TENM2: variants seen among roughly 807,000 people sequenced by gnomAD.
TENM2 encodes teneurin transmembrane protein 2.
A neutral mutation model predicts 245.2 loss-of-function variants in TENM2; 52 were observed. The ratio of observed to expected loss-of-function variants is 0.21; its 90% CI spans 0.17 to 0.27. TENM2 has a LOEUF of 0.27. Among genes scored for constraint, TENM2 ranks in the 10% least tolerant of loss-of-function variants. TENM2 has a pLI of 1.00. For synonymous variants in TENM2, 1,363 were observed against 1,438.9 expected (o/e 0.95, Z 1.19); for missense variants, 3,046 against 3,666.8 (o/e 0.83, Z 4.37).
chr5:167,301,040 G>A (rs564797124), intron 1 of TENM2, among the ~76,000 whole-genome samples: 30 of 152,296 alleles, frequency 2.0e-4, no homozygotes, highest in African/African-American at 7.0e-4. Context: ...GGAGTGGGTA[G>A]CCTCCTTATT....
At chr5:167,946,430 G>A (rs971491660) in intron 3 of TENM2, among the ~76,000 whole-genome samples, 2 of 152,210 alleles carry the variant, frequency 1.3e-5, no homozygotes, top group Admixed American at 1.3e-4. Context: ...GAAAGAGATT[G>A]CACTGCAGTT....
intron 2 of TENM2, among the ~76,000 whole-genome samples, chr5:167,868,527 T>G (rs1583232079): frequency 6.6e-6 from 1 of 151,732 alleles, no homozygotes; most frequent in Non-Finnish European, 1.5e-5. Context: ...TCACCTGAGG[T>G]CAGGAGTTCT....
intron 2 of TENM2, among the ~76,000 whole-genome samples, chr5:167,661,520 T>C (rs1755206092): frequency 6.6e-6 from 1 of 152,220 alleles, no homozygotes; most frequent in Non-Finnish European, 1.5e-5. Flanking sequence ...TTGAGTGATG[T>C]CCCTGGAGCT....
chr5:167,552,267 G>T (rs559921233), intron 2 of TENM2, among the ~76,000 whole-genome samples: 1 of 152,110 alleles, frequency 6.6e-6, no homozygotes, highest in East Asian at 1.9e-4. Context: ...AATATACTCA[G>T]GTGCACGTTA....
At chr5:167,011,237 T>G in the TENM2 span, among the ~76,000 whole-genome samples, 1 of 152,198 alleles carries the variant, frequency 6.6e-6, no homozygotes, top group East Asian at 1.9e-4. Context: ...CAAGAGCCAT[T>G]GTAACTGGAA....
At chr5:168,089,191 C>T (rs528050377) in intron 7 of TENM2, among the ~76,000 whole-genome samples, 5 of 152,270 alleles carry the variant, frequency 3.3e-5, no homozygotes, top group East Asian at 1.9e-4. Context: ...ATGGTCAAGC[C>T]CTGTCACCTC....
the TENM2 span, among the ~76,000 whole-genome samples, chr5:167,015,117 A>G: frequency 6.6e-6 from 1 of 152,140 alleles, no homozygotes; most frequent in East Asian, 1.9e-4. Context: ...CTCTCAATAA[A>G]CATTTTTAAC....
At position 167,570,602 on chromosome 5, in the gene TENM2, G is replaced by A. The variant is rs569610200; in HGVS notation, c.502+195129G>A. 8.1e-4 allele frequency among the ~76,000 whole-genome samples: 123 copies of A among 151,560 alleles called. 1 individual carries two copies. The South Asian group carries it at 0.014, about 18-fold the overall frequency. The stretch of plus-strand genomic sequence containing the variant: ...GTGCATTCTTGAGAAGGGGAAAGGC[G>A]GTGTTACGATCTCTGGTGCAGTCCT... On this transcript the variant is annotated intron_variant, in intron 2 of 28. Transcript: ENST00000518659.
chr5:168,247,810 A>C lies in TENM2; in HGVS notation c.6871A>C (p.Asn2291His). 1 of 1,613,990 alleles carries C rather than the reference A, an allele frequency of 6.2e-7. No individual in the cohort carries two copies. The highest frequency in any genetic ancestry group is 8.5e-7 in the Non-Finnish European group (1 of 1,179,870). Reference sequence around the variant, plus strand: ...CAAGGGCCTCCTAACAAGAGCCTACAACAAGGCCAGCGGGTGGAGTGTCCA... The same window carrying C: ...CAAGGGCCTCCTAACAAGAGCCTACCACAAGGCCAGCGGGTGGAGTGTCCA... The change falls in exon 27 of 29, where the codon AAC becomes CAC. Residue 2291 changes from asparagine to histidine, a missense_variant. Transcript: ENST00000518659. This position sits in a 1 kb window ranked among gnomAD's most constrained non-coding sequence, Gnocchi z 7.8.
chr5:167,329,131 C>A (rs994360698), intron 1 of TENM2, among the ~76,000 whole-genome samples: 21 of 151,986 alleles, frequency 1.4e-4, no homozygotes, highest in Admixed American at 1.3e-4. Context: ...AACAACAACC[C>A]CTGTGGGAGA....
the TENM2 span, among the ~76,000 whole-genome samples, chr5:167,223,746 GT>G: frequency 6.6e-6 from 1 of 152,082 alleles, no homozygotes; most frequent in Non-Finnish European, 1.5e-5. Context: ...TCTATTTTTA[GT>G]TTTTTGAGAA....
At chr5:168,123,569 C>T (rs919421883) in intron 10 of TENM2, among the ~76,000 whole-genome samples, 5 of 152,190 alleles carry the variant, frequency 3.3e-5, no homozygotes, top group Non-Finnish European at 7.3e-5. Flanking sequence ...ACACTGTCAG[C>T]GTGGTCCATA....
At chr5:168,051,797 C>G (rs1294874256) in intron 6 of TENM2, among the ~76,000 whole-genome samples, 1 of 152,210 alleles carries the variant, frequency 6.6e-6, no homozygotes, top group Non-Finnish European at 1.5e-5. Flanking sequence ...AGCTTGCTGT[C>G]CATCATAAAT....
intron 2 of TENM2, among the ~76,000 whole-genome samples, chr5:167,561,208 C>G (rs929542968): frequency 2.6e-5 from 4 of 152,160 alleles, no homozygotes; most frequent in Non-Finnish European, 5.9e-5. Context: ...CCTGGAAAAC[C>G]TGATGCAACC....
the TENM2 span, among the ~76,000 whole-genome samples, chr5:167,145,053 A>G: frequency 1.3e-5 from 2 of 151,994 alleles, no homozygotes; most frequent in African/African-American, 4.8e-5. Context: ...TTGCCACATC[A>G]CCTTCCATTC....
At chr5:167,258,168 G>A in the TENM2 span, among the ~76,000 whole-genome samples, 2 of 146,116 alleles carry the variant, frequency 1.4e-5, no homozygotes, top group Non-Finnish European at 3.0e-5. Context: ...ATTATATTTT[G>A]TATTTTTCAT....
chr5:168,104,015 T>G (rs535587160), intron 9 of TENM2, among the ~76,000 whole-genome samples: 7 of 151,394 alleles, frequency 4.6e-5, no homozygotes, highest in African/African-American at 1.5e-4. Flanking sequence ...TTTGTTTGTT[T>G]GTTTGTTTGT....
chr5:167,206,103 G>A, the TENM2 span, among the ~76,000 whole-genome samples: 5 of 152,144 alleles, frequency 3.3e-5, no homozygotes, highest in East Asian at 1.9e-4. Flanking sequence ...ACATGACATC[G>A]GGGCCAAAGG....
At chr5:167,142,831 T>C in the TENM2 span, among the ~76,000 whole-genome samples, 878 of 152,342 alleles carry the variant, frequency 5.8e-3, 14 homozygotes, top group African/African-American at 0.019. Context: ...ATTACAGGCA[T>C]GAGCCATTTC....
Sources: gnomAD v4.1 joint callset for allele counts (sites outside exome capture counted in the v4.1 genomes callset) on GRCh38, gnomAD v4.1.1 for gene constraint, Gnocchi (gnomAD v3.1) non-coding constraint, MANE v1.5 for transcripts, NCBI Gene and HGNC (gene_info 2026-07-23, HGNC 2026-07-21) for gene names.